RHOT1: variants seen among roughly 807,000 people sequenced by gnomAD.
RHOT1 encodes the protein ras homolog family member T1.
A neutral mutation model predicts 95.3 loss-of-function variants in RHOT1; 27 were observed. The observed-to-expected ratio is 0.28, with a 90% CI of 0.21 to 0.39. The LOEUF (loss-of-function observed/expected upper bound fraction) is 0.39. Among genes scored for constraint, RHOT1 ranks in the 10% least tolerant of loss-of-function variants. The pLI is 1.00. For synonymous variants in RHOT1, 227 were observed against 263.5 expected (o/e 0.86, Z 1.34); for missense variants, 578 against 786.7 (o/e 0.73, Z 3.17).
At chr17:32,180,191 C>T (rs914038097) in intron 6 of RHOT1, 14 of 153,724 alleles carry the variant, frequency 9.1e-5, no homozygotes, top group South Asian at 2.1e-4. Flanking sequence ...GCCATGATGA[C>T]GATGGCGGTT....
At chr17:32,175,836 G>C (rs2034959973) in intron 4 of RHOT1, 126 bp from the exon 5 acceptor site, 1 of 581,528 alleles carries the variant, frequency 1.7e-6, no homozygotes, top group Non-Finnish European at 2.8e-6. Context: ...TTCTTTTTTT[G>C]TTTTTTTGTT....
In RHOT1 at chr17:32,142,738, G is replaced by T. The variant is rs776097158; in HGVS notation, c.37+9G>T. The T allele has an allele frequency of 2.0e-6, 3 of 1,505,922 alleles. No individual in the cohort carries two copies. The African/African-American group carries it at 4.2e-5, about 21-fold the overall frequency. 93.3% of individuals were successfully genotyped at this position (1,505,922 alleles called of 1,614,324 possible). ...CCTGCTGGTGGGAGAACGTGAGTCCGCACCCTCTGGCCGGCCCCTGAGTCC... is the reference window on the plus strand; with the variant it reads ...CCTGCTGGTGGGAGAACGTGAGTCCTCACCCTCTGGCCGGCCCCTGAGTCC... On this transcript the variant is annotated intron_variant, in intron 1 of 19. Coordinates refer to ENST00000545287, the MANE Select transcript of RHOT1 (RefSeq NM_001033566.3).
chr17:32,202,268 T>A (rs1035254888), intron 14 of RHOT1, among the ~76,000 whole-genome samples: 3 of 152,150 alleles, frequency 2.0e-5, no homozygotes, highest in African/African-American at 7.2e-5. Flanking sequence ...TACAGCATTG[T>A]TTTCTGGCAT....
At chr17:32,223,736 A>T (rs1246717013) in intron 19 of RHOT1, among the ~76,000 whole-genome samples, 1 of 152,030 alleles carries the variant, frequency 6.6e-6, no homozygotes, top group Non-Finnish European at 1.5e-5. Flanking sequence ...TTTCTACATC[A>T]TCTCAATTGT....
chr17:32,164,530 A>T (rs1174787974), intron 1 of RHOT1, among the ~76,000 whole-genome samples: 1 of 151,948 alleles, frequency 6.6e-6, no homozygotes, highest in Non-Finnish European at 1.5e-5. Context: ...CCGTGCCCAG[A>T]CTAACATCCC....
chr17:32,198,188 GTCCAGCAC>G (rs2037047239), intron 11 of RHOT1, among the ~76,000 whole-genome samples: 1 of 152,172 alleles, frequency 6.6e-6, no homozygotes, highest in South Asian at 2.1e-4. Context: ...GAGTCACCAT[GTCCAGCAC>G]TCAGTGCATT....
rs561150734 is a variant in RHOT1, at chr17:32,144,815, C to T, written c.37+2086C>T. On this transcript the variant is annotated intron_variant, in intron 1 of 19. Transcript: ENST00000545287. ...CAGCCTGGGCAACATAGTGAGACCC[C>T]GCCTCAAAAAAAAAAAACCACAACA... 1.2e-4 allele frequency among the ~76,000 whole-genome samples: 16 copies of T among 135,246 alleles called. No individual in the cohort carries two copies. In the East Asian group the frequency reaches 2.9e-3, roughly 25 times the overall value. 88.7% of individuals were successfully genotyped at this position (135,246 alleles called of 152,430 possible).
chr17:32,150,725 G>A (rs1376723854), intron 1 of RHOT1: 2 of 1,603,370 alleles, frequency 1.2e-6, no homozygotes, highest in East Asian at 4.5e-5. Flanking sequence ...TACAAAGCAG[G>A]AACTGAGGCC....
At chr17:32,165,232 G>A (rs912491218) in intron 1 of RHOT1, among the ~76,000 whole-genome samples, 1 of 151,102 alleles carries the variant, frequency 6.6e-6, no homozygotes, top group Non-Finnish European at 1.5e-5. Context: ...AGCTACTTGG[G>A]AGGCTGAGGC....
intron 8 of RHOT1, among the ~76,000 whole-genome samples, chr17:32,189,560 C>A (rs2036313395): frequency 6.6e-6 from 1 of 152,122 alleles, no homozygotes. Flanking sequence ...TCCCCACCCC[C>A]ATCCCACAAG....
At position 32,175,341 on chromosome 17, in the gene RHOT1, A is replaced by G; in HGVS notation, c.201A>G (p.Gln67=). 6.2e-7 allele frequency: 1 copy of G among 1,613,782 alleles called. No individual in the cohort carries two copies. The highest frequency in any genetic ancestry group is 8.5e-7 in the Non-Finnish European group (1 of 1,179,646). Residue 67 remains glutamine (Q), a synonymous_variant, in exon 4 of 20, where the codon CAA becomes CAG. Transcript: ENST00000545287. The part of the protein sequence containing the change: ...DYSEAEQSDE[Q]LHQEISQANV... ...TAGAAGCAGAACAGAGTGATGAACA[A>G]CTTCATCAAGAAATATCTCAGGTGA...
intron 19 of RHOT1, chr17:32,222,756 A>G: frequency 6.6e-6 from 4 of 608,562 alleles, no homozygotes; most frequent in Non-Finnish European, 8.2e-6. Flanking sequence ...ATGTGTATAA[A>G]AGGTTAAGAG....
chr17:32,182,997 C>G (rs538890046), intron 7 of RHOT1, 132 bp downstream of exon 7: 1 of 753,974 alleles, frequency 1.3e-6, no homozygotes, highest in Non-Finnish European at 2.1e-6. Flanking sequence ...CCAAATAAAA[C>G]AGAGAAGTTG....
At position 32,192,182 on chromosome 17, in the gene RHOT1, T is replaced by G. The variant is rs765622665; in HGVS notation, c.541-19T>G. 8.6e-7 allele frequency: 1 copy of G among 1,165,950 alleles called. No homozygotes were observed. Among genetic ancestry groups the G allele is most frequent in the Non-Finnish European group, 1.2e-6 (1 of 800,860 alleles). The allele number at this position is 1,165,950 out of a possible 1,614,324, so 72.2% of individuals were successfully genotyped here. On this transcript the variant is annotated intron_variant, in intron 8 of 19. Coordinates refer to ENST00000545287, the MANE Select transcript of RHOT1 (RefSeq NM_001033566.3). ...AAATCACAGTTTAAACAATTATTTC[T>G]TTTCTCAATGATTTATAGATGAAAC...
At chr17:32,212,785 G>T (rs2038216659) in intron 19 of RHOT1, among the ~76,000 whole-genome samples, 1 of 151,846 alleles carries the variant, frequency 6.6e-6, no homozygotes, top group South Asian at 2.1e-4. Context: ...AATCCTTCAG[G>T]CATTTGAAGA....
chr17:32,184,454 A>T (rs1038356953), intron 8 of RHOT1, among the ~76,000 whole-genome samples: 3 of 151,780 alleles, frequency 2.0e-5, no homozygotes, highest in African/African-American at 7.3e-5. Context: ...TTTATGGATA[A>T]ACCATGTTTT....
At chr17:32,209,950 A>G (rs980997951) in intron 18 of RHOT1, among the ~76,000 whole-genome samples, 2 of 150,232 alleles carry the variant, frequency 1.3e-5, no homozygotes, top group South Asian at 2.1e-4. Flanking sequence ...AAAAAAAATG[A>G]AAAAAAAATG....
chr17:32,187,357 G>A (rs984792479), intron 8 of RHOT1, among the ~76,000 whole-genome samples: 8 of 151,546 alleles, frequency 5.3e-5, no homozygotes, highest in Non-Finnish European at 1.0e-4. Flanking sequence ...GCCTCCTCCT[G>A]CCTCAGCCTC....
chr17:32,151,061 G>A (rs1311695185), intron 1 of RHOT1: 2 of 1,276,852 alleles, frequency 1.6e-6, no homozygotes, highest in Admixed American at 1.8e-5. Flanking sequence ...CTTGGAGAAG[G>A]CATTCCAGGC....
Sources: gnomAD v4.1 joint callset for allele counts (sites outside exome capture counted in the v4.1 genomes callset) on GRCh38, gnomAD v4.1.1 for gene constraint, MANE v1.5 for transcripts, NCBI Gene and HGNC (gene_info 2026-07-23, HGNC 2026-07-21) for gene names.